Variants in GALNT17 observed in about 807,000 individuals in gnomAD.
GALNT17 encodes the protein polypeptide N-acetylgalactosaminyltransferase 17.
Under a neutral mutation model 63.7 loss-of-function variants are expected in GALNT17, and 29 were observed. That is an observed-to-expected ratio of 0.46 (90% confidence interval 0.34 to 0.62). The LOEUF (loss-of-function observed/expected upper bound fraction) is 0.62, where lower values mean the gene tolerates loss of function less well. GALNT17 is among the 20% of genes least tolerant of loss of function. GALNT17 has a pLI of 0.01. For missense variants in GALNT17, 603 were observed against 799.6 expected, an observed-to-expected ratio of 0.75 and a Z score of 2.97; for synonymous variants, 305 against 318.3, an observed-to-expected ratio of 0.96 and a Z score of 0.45.
chr7:71,648,576 T>C (rs1296835068), intron 6 of GALNT17, among the ~76,000 whole-genome samples: 2 of 152,028 alleles, frequency 1.3e-5, no homozygotes, highest in Non-Finnish European at 2.9e-5. Context: ...CTTGGTCCAC[T>C]CCTTTTTTAA....
chr7:71,187,516 C>T (rs1788873584), intron 1 of GALNT17, among the ~76,000 whole-genome samples: 1 of 152,052 alleles, frequency 6.6e-6, no homozygotes, highest in Non-Finnish European at 1.5e-5. Flanking sequence ...TACTTTTGCT[C>T]ACCAGTCATG....
chr7:71,692,687 A>G (rs1269780503), intron 9 of GALNT17, among the ~76,000 whole-genome samples: 1 of 151,666 alleles, frequency 6.6e-6, no homozygotes, highest in Non-Finnish European at 1.5e-5. Flanking sequence ...TTTATTATAC[A>G]TACACAATGT....
intron 1 of GALNT17, among the ~76,000 whole-genome samples, chr7:71,220,667 A>G (rs1235530362): frequency 6.6e-6 from 1 of 152,128 alleles, no homozygotes; most frequent in African/African-American, 2.4e-5. Flanking sequence ...AAACGAGGTC[A>G]CTGGGGTGGC....
At chr7:71,144,939 A>G (rs35046850) in intron 1 of GALNT17, among the ~76,000 whole-genome samples, 1 of 152,092 alleles carries the variant, frequency 6.6e-6, no homozygotes. Context: ...CATGTTAGCC[A>G]GGATGGTCTT....
chr7:71,600,248 G>GAA (rs751929755), intron 6 of GALNT17, among the ~76,000 whole-genome samples: 18,684 of 137,588 alleles, frequency 0.14, 1,888 homozygotes, highest in African/African-American at 0.3. Flanking sequence ...ATTAGGGAAG[G>GAA]AAAAAAAAAA....
chr7:71,362,895 C>A (rs1040766872), intron 2 of GALNT17, among the ~76,000 whole-genome samples: 2 of 152,102 alleles, frequency 1.3e-5, no homozygotes, highest in Non-Finnish European at 2.9e-5. Context: ...GCTGAACACT[C>A]CTTTCCCCAA....
At chr7:71,303,716 C>G (rs1436213878) in intron 1 of GALNT17, among the ~76,000 whole-genome samples, 1 of 151,916 alleles carries the variant, frequency 6.6e-6, no homozygotes, top group East Asian at 1.9e-4. Context: ...CTTCATGACT[C>G]AGAGTGGGCT....
At chr7:71,698,123 CAAAAAAA>C (rs10708106) in intron 9 of GALNT17, among the ~76,000 whole-genome samples, 5 of 107,762 alleles carry the variant, frequency 4.6e-5, no homozygotes, top group Non-Finnish European at 7.8e-5. Context: ...GACTCTGTCT[CAAAAAAA>C]AAAAAAAAAA....
chr7:71,204,212 A>C (rs1789226194), intron 1 of GALNT17, among the ~76,000 whole-genome samples: 1 of 151,984 alleles, frequency 6.6e-6, no homozygotes. Context: ...TTGACTGTTA[A>C]TGTGTGTGTT....
At chr7:71,211,444 A>G (rs960609583) in intron 1 of GALNT17, among the ~76,000 whole-genome samples, 11 of 152,154 alleles carry the variant, frequency 7.2e-5, no homozygotes, top group Admixed American at 2.0e-4. Context: ...TTTTCTTCCT[A>G]GTCTTGGGTA....
chr7:71,333,771 G>A (rs759585877), intron 1 of GALNT17, among the ~76,000 whole-genome samples: 12 of 152,170 alleles, frequency 7.9e-5, no homozygotes, highest in South Asian at 6.2e-4. Context: ...GATTACAGGC[G>A]TGAGCCACTG....
intron 9 of GALNT17, among the ~76,000 whole-genome samples, chr7:71,703,456 C>T (rs1361426159): frequency 6.6e-6 from 1 of 152,184 alleles, no homozygotes; most frequent in African/African-American, 2.4e-5. Context: ...TAAGCAAGAA[C>T]TCATTTATCA....
chr7:71,494,756 G>T (rs1007408908), intron 5 of GALNT17, among the ~76,000 whole-genome samples: 6 of 152,110 alleles, frequency 3.9e-5, no homozygotes, highest in African/African-American at 1.4e-4. Flanking sequence ...AAAGGAAAGA[G>T]GTTTAATTGA....
intron 1 of GALNT17, among the ~76,000 whole-genome samples, chr7:71,216,720 G>A (rs1026038833): frequency 4.2e-4 from 63 of 149,058 alleles, no homozygotes; most frequent in Admixed American, 1.1e-3. Context: ...ACACAAATAC[G>A]CACACATATA....
intron 6 of GALNT17, among the ~76,000 whole-genome samples, chr7:71,650,705 A>C (rs949254993): frequency 6.6e-6 from 1 of 152,196 alleles, no homozygotes; most frequent in Non-Finnish European, 1.5e-5. Context: ...CAACTCCTTT[A>C]ATCCCAGGCA....
At chr7:71,310,629 C>T (rs1024316593) in intron 1 of GALNT17, among the ~76,000 whole-genome samples, 60 of 152,194 alleles carry the variant, frequency 3.9e-4, no homozygotes, top group African/African-American at 1.4e-3. Context: ...TCCTTCATGG[C>T]TAATCCAAAC....
chr7:71,143,139 T>C (rs979102382), intron 1 of GALNT17, among the ~76,000 whole-genome samples: 4 of 151,792 alleles, frequency 2.6e-5, no homozygotes, highest in Non-Finnish European at 5.9e-5. Context: ...TGGATGCTCT[T>C]GGCCGAGTGC....
At chr7:71,593,960 A>G (rs1204433108) in intron 6 of GALNT17, among the ~76,000 whole-genome samples, 1 of 152,146 alleles carries the variant, frequency 6.6e-6, no homozygotes. Flanking sequence ...GGGAAATTAC[A>G]AATGTCCATT....
intron 5 of GALNT17, among the ~76,000 whole-genome samples, chr7:71,535,968 G>A (rs1169341773): frequency 3.9e-5 from 6 of 152,164 alleles, no homozygotes; most frequent in Admixed American, 3.3e-4. Context: ...CTGGAGCGGT[G>A]TCTATATAAC....
Sources: gnomAD v4.1 joint callset for allele counts (sites outside exome capture counted in the v4.1 genomes callset) on GRCh38, gnomAD v4.1.1 for gene constraint, MANE v1.5 for transcripts, NCBI Gene and HGNC (gene_info 2026-07-23, HGNC 2026-07-21) for gene names.